SACS: variants seen among roughly 807,000 people sequenced by gnomAD.
The protein encoded by SACS is sacsin molecular chaperone.
A neutral mutation model predicts 348.0 loss-of-function variants in SACS; 197 were observed. The observed-to-expected ratio is 0.57, with a 90% CI of 0.50 to 0.64. SACS has a LOEUF of 0.64. SACS is among the 30% of genes least tolerant of loss of function. SACS has a pLI of 0.00. For missense variants in SACS, 4,999 were observed against 5,360.8 expected (o/e 0.93, Z 2.11); for synonymous variants, 1,985 against 1,910.6 (o/e 1.04, Z -1.02).
chr13:23,390,613 G>A (rs1872495636), intron 2 of SACS, among the ~76,000 whole-genome samples: 1 of 152,192 alleles, frequency 6.6e-6, no homozygotes, highest in African/African-American at 2.4e-5. Context: ...AGTAAGCCAT[G>A]ATCATACCAC....
chr13:23,414,616 T>C (rs557639271), intron 1 of SACS, among the ~76,000 whole-genome samples: 2 of 152,366 alleles, frequency 1.3e-5, no homozygotes, highest in African/African-American at 4.8e-5. Flanking sequence ...ACCAGGCGTG[T>C]TTGATAACAC....
intron 1 of SACS, among the ~76,000 whole-genome samples, chr13:23,432,545 T>C (rs1874476197): frequency 6.6e-6 from 1 of 152,188 alleles, no homozygotes; most frequent in African/African-American, 2.4e-5. Flanking sequence ...TAAGTAAAAC[T>C]ACTGGGACAT....
chr13:23,379,539 G>A (rs192618345), intron 2 of SACS, among the ~76,000 whole-genome samples: 3 of 152,234 alleles, frequency 2.0e-5, no homozygotes, highest in Non-Finnish European at 2.9e-5. Flanking sequence ...ATTCTTGAGC[G>A]CCTCAAATCT....
At chr13:23,393,434 G>A (rs1042522647) in intron 2 of SACS, among the ~76,000 whole-genome samples, 63 of 152,010 alleles carry the variant, frequency 4.1e-4, no homozygotes, top group Non-Finnish European at 2.5e-4. Flanking sequence ...CCAAGCCCAC[G>A]TCCTCCCCTG....
Position 23,331,234 on chromosome 13 carries a change from A to G in SACS, c.12642T>C (p.Asp4214=). 1 of 1,613,948 alleles carries G rather than the reference A, an allele frequency of 6.2e-7. No individual in the cohort carries two copies. The highest frequency in any genetic ancestry group is 8.5e-7 in the Non-Finnish European group (1 of 1,179,856). ...TTCCTAGAAAACTAGAATTGTCAGCATCTTCTCTTTCAACTTCTTGTACAA... is the reference window on the plus strand; with the variant it reads ...TTCCTAGAAAACTAGAATTGTCAGCGTCTTCTCTTTCAACTTCTTGTACAA... The part of the protein sequence containing the change: ...AIIVQEVERE[D]ADNSSFLGKI... Residue 4214 remains aspartate (D), a synonymous_variant, in exon 10 of 10, where the codon GAT becomes GAC. Coordinates refer to ENST00000382292, the MANE Select transcript of SACS (RefSeq NM_014363.6).
chr13:23,354,755 G>A lies in SACS; in HGVS notation c.1857C>T (p.Gly619=), dbSNP rs1870222963. The change falls in exon 8 of 10, where the codon GGC becomes GGT. Residue 619 remains glycine, a synonymous_variant. Transcript: ENST00000382292. ...GCGTCACCTTCCTCACAGGTGTTGT[G>A]CCAGAGGCAGCTGTGAGCTGAACAG... ...DAAVQLTAAS[G]TTPVRKVTPA... 6.2e-7 allele frequency: 1 copy of A among 1,613,814 alleles called. No homozygotes were observed. Among genetic ancestry groups the A allele is most frequent in the African/African-American group, 1.3e-5 (1 of 74,948 alleles).
In SACS at chr13:23,411,274, C is replaced by G. The variant is rs751730949; in HGVS notation, c.-35G>C. 6.3e-7 allele frequency: 1 copy of G among 1,590,220 alleles called. No homozygotes were observed. The stretch of plus-strand genomic sequence containing the variant: ...TCCTGGGATATTTGTTTGTGAAAAC[C>G]ATGAAAGTACGCTTCTTTCTTCTGT... On this transcript the variant is annotated 5_prime_UTR_variant, in exon 2 of 10. An upstream start codon of the reference 5' UTR is lost. Coordinates refer to ENST00000382292, the MANE Select transcript of SACS (RefSeq NM_014363.6).
intron 1 of SACS, chr13:23,428,814 C>G (rs1874300853): frequency 6.6e-6 from 1 of 152,200 alleles, no homozygotes; most frequent in South Asian, 2.1e-4. Context: ...TCACCTTTGA[C>G]TCTCCTACTT....
At position 23,335,777 on chromosome 13, in the gene SACS, A is replaced by G; in HGVS notation, c.8099T>C (p.Phe2700Ser). The change falls in exon 10 of 10, where the codon TTT (phenylalanine) becomes TCT (serine). Residue 2700 changes from phenylalanine (F) to serine (S), a missense_variant. Phe to Ser is a radical substitution (Grantham distance 155). Around this residue, in one of 6 missense-constraint regions of SACS, gnomAD observed 3,156 missense variants for 3,380.1 expected, o/e 0.93. Coordinates refer to ENST00000382292, the MANE Select transcript of SACS (RefSeq NM_014363.6). The surrounding 1 kb of genome is among the most constrained non-coding windows in gnomAD (Gnocchi z 4.7). The stretch of plus-strand genomic sequence containing the variant: ...TGCCATTTCTGCATTACGAAGAGGA[A>G]ATCTGAACATTGTGCAATTATCCAG... The part of the protein sequence containing the change: ...FKLDNCTMFR[F>S]PLRNAEMAKV... 7 of 1,614,042 alleles carry G rather than the reference A, an allele frequency of 4.3e-6. No individual in the cohort carries two copies. Among genetic ancestry groups the G allele is most frequent in the Non-Finnish European group, 5.9e-6 (7 of 1,179,912 alleles).
chr13:23,351,937 A>G lies in SACS; in HGVS notation c.2185+1848T>C, dbSNP rs539047242. On this transcript the variant is annotated intron_variant, in intron 9 of 9. Coordinates refer to ENST00000382292, the MANE Select transcript of SACS (RefSeq NM_014363.6). ...ATAGTAGAGAAAATGAAGACATATAAAAGTGGGAAAATGCAACTTTGAAAG... is the reference window on the plus strand; with the variant it reads ...ATAGTAGAGAAAATGAAGACATATAGAAGTGGGAAAATGCAACTTTGAAAG... 5.3e-5 allele frequency among the ~76,000 whole-genome samples: 8 copies of G among 152,306 alleles called. No homozygotes were observed. In the East Asian group the frequency reaches 1.4e-3, roughly 26 times the overall value.
In SACS at chr13:23,355,449, T is replaced by C; in HGVS notation, c.1163A>G (p.Gln388Arg). The stretch of plus-strand genomic sequence containing the variant: ...GTTACACACCAACCAAGATGTTTTC[T>C]GTGCATCCTTAGTACTCTCCTCTTC... ...VLEEESTKDA[Q>R]KTSWLVCNSV... The change falls in exon 8 of 10, where the codon CAG (glutamine) becomes CGG (arginine). Residue 388 changes from glutamine to arginine, a missense_variant. Physicochemically the swap from Gln to Arg is conservative, Grantham distance 43. Coordinates refer to ENST00000382292, the MANE Select transcript of SACS (RefSeq NM_014363.6). 6.2e-7 allele frequency: 1 copy of C among 1,614,202 alleles called. No homozygotes were observed. The highest frequency in any genetic ancestry group is 8.5e-7 in the Non-Finnish European group (1 of 1,180,022).
chr13:23,416,270 G>A (rs964575513), intron 1 of SACS, among the ~76,000 whole-genome samples: 2 of 137,112 alleles, frequency 1.5e-5, no homozygotes, highest in African/African-American at 5.0e-5. Flanking sequence ...GGACAGAGCC[G>A]ACTCCATCTC....
intron 2 of SACS, among the ~76,000 whole-genome samples, chr13:23,390,099 A>G (rs894270255): frequency 6.6e-6 from 1 of 152,126 alleles, no homozygotes; most frequent in African/African-American, 2.4e-5. Flanking sequence ...TATTATTTCT[A>G]TAGAACCTAT....
intron 2 of SACS, among the ~76,000 whole-genome samples, chr13:23,394,519 G>T (rs1872640606): frequency 6.6e-6 from 1 of 152,172 alleles, no homozygotes; most frequent in Non-Finnish European, 1.5e-5. Flanking sequence ...AGAATAATTT[G>T]TTCTTTAACA....
chr13:23,351,778 T>A (rs912271623), intron 9 of SACS, among the ~76,000 whole-genome samples: 1 of 151,486 alleles, frequency 6.6e-6, no homozygotes, highest in African/African-American at 2.4e-5. Context: ...TTTCTGGGAG[T>A]GCTAACCCAC....
Position 23,341,056 on chromosome 13 carries a change from A to G in SACS, c.2820T>C (p.Ser940=). 6.2e-7 allele frequency: 1 copy of G among 1,614,166 alleles called. No homozygotes were observed. Among genetic ancestry groups the G allele is most frequent in the Non-Finnish European group, 8.5e-7 (1 of 1,180,018 alleles). ...INHSSDQGIS[S]YTKLKGCKVL... Reference sequence around the variant, plus strand: ...CTTTACAACCTTTCAATTTTGTATAAGAGGAAATTCCCTGATCAGAAGAAT... The same window carrying G: ...CTTTACAACCTTTCAATTTTGTATAGGAGGAAATTCCCTGATCAGAAGAAT... The change falls in exon 10 of 10, where the codon TCT becomes TCC. Residue 940 remains serine (S), a synonymous_variant. Coordinates refer to ENST00000382292, the MANE Select transcript of SACS (RefSeq NM_014363.6).
At chr13:23,388,726 A>G (rs1365724439) in intron 2 of SACS, among the ~76,000 whole-genome samples, 1 of 137,124 alleles carries the variant, frequency 7.3e-6, no homozygotes, top group Non-Finnish European at 1.6e-5. Flanking sequence ...CTGGAGACTC[A>G]GAAGCAGGGA....
rs145309799 is a variant in SACS, at chr13:23,369,263, G to A, written c.260-776C>T. 4.5e-4 allele frequency among the ~76,000 whole-genome samples: 69 copies of A among 152,164 alleles called. 1 individual carries two copies. Among genetic ancestry groups the A allele is most frequent in the Admixed American group, 9.8e-4 (15 of 15,292 alleles). On this transcript the variant is annotated intron_variant, in intron 4 of 9. Transcript: ENST00000382292. The stretch of plus-strand genomic sequence containing the variant: ...AAATTCAGCAGTCACTGTCTCAATG[G>A]CTGTCCACTTCAAGTACCTTCAAGC...
intron 2 of SACS, among the ~76,000 whole-genome samples, chr13:23,391,375 C>A (rs1014316978): frequency 2.0e-5 from 3 of 152,188 alleles, no homozygotes; most frequent in Non-Finnish European, 4.4e-5. Context: ...CTCAGGTTGG[C>A]CTCTTTGGGC....
Sources: allele counts gnomAD v4.1 joint callset (sites outside exome capture counted in the v4.1 genomes callset), GRCh38; gene constraint gnomAD v4.1.1; regional missense constraint gnomAD v4.1.1; non-coding constraint Gnocchi (gnomAD v3.1); transcripts MANE v1.5; gene names NCBI Gene and HGNC (gene_info 2026-07-23, HGNC 2026-07-21).